Variants in CTNNA3 observed in about 807,000 individuals in gnomAD.
CTNNA3 encodes the protein catenin alpha 3, also known as catenin alpha-3.
In CTNNA3, 76 loss-of-function variants were observed where a neutral mutation model predicts 95.7. That is an observed-to-expected ratio of 0.79 (90% CI 0.66 to 0.96). CTNNA3 has a LOEUF of 0.96. Among genes scored for constraint, CTNNA3 ranks in the 40% least tolerant of loss-of-function variants. The pLI, the probability that CTNNA3 is intolerant of heterozygous loss-of-function variation, is 0.00. For missense variants in CTNNA3, 1,191 were observed against 1,089.8 expected (o/e 1.09, Z -1.31); for synonymous variants, 431 against 374.4 (o/e 1.15, Z -1.74).
At chr10:67,533,635 A>T (rs780510701) in intron 4 of CTNNA3, among the ~76,000 whole-genome samples, 16 of 152,180 alleles carry the variant, frequency 1.1e-4, no homozygotes, top group Non-Finnish European at 1.9e-4. Context: ...TAAAAGTGCC[A>T]TGTCAGGAAT....
intron 2 of CTNNA3, among the ~76,000 whole-genome samples, chr10:67,640,474 T>C (rs1589522369): frequency 6.6e-6 from 1 of 152,164 alleles, no homozygotes; most frequent in Admixed American, 6.5e-5. Context: ...AAGCTACCAA[T>C]GACTTTCTTC....
chr10:67,264,430 G>A (rs904300820), intron 5 of CTNNA3, among the ~76,000 whole-genome samples: 2 of 152,128 alleles, frequency 1.3e-5, no homozygotes, highest in Non-Finnish European at 2.9e-5. Context: ...GCTATATGAG[G>A]TACTATTTCA....
At chr10:67,671,513 C>T (rs1032582708) in intron 1 of CTNNA3, among the ~76,000 whole-genome samples, 1 of 143,968 alleles carries the variant, frequency 6.9e-6, no homozygotes, top group Non-Finnish European at 1.5e-5. Context: ...TCCCCGCTCC[C>T]CCCACCCCAC....
intron 9 of CTNNA3, among the ~76,000 whole-genome samples, chr10:66,728,000 G>C (rs1411375064): frequency 1.3e-5 from 2 of 152,138 alleles, no homozygotes; most frequent in Non-Finnish European, 2.9e-5. Flanking sequence ...AAAGTAGTAG[G>C]ACGCTTACAT....
chr10:66,491,205 T>A (rs1839910847), intron 11 of CTNNA3, among the ~76,000 whole-genome samples: 1 of 152,188 alleles, frequency 6.6e-6, no homozygotes, highest in Non-Finnish European at 1.5e-5. Flanking sequence ...TAAAAAATTG[T>A]ACACCACTAT....
intron 7 of CTNNA3, among the ~76,000 whole-genome samples, chr10:67,165,935 T>C (rs1861748249): frequency 6.6e-6 from 1 of 152,238 alleles, no homozygotes; most frequent in African/African-American, 2.4e-5. Context: ...TTATCATATC[T>C]CTGCTATGCA....
chr10:67,163,858 A>C (rs2132095581), intron 7 of CTNNA3, among the ~76,000 whole-genome samples: 1 of 152,138 alleles, frequency 6.6e-6, no homozygotes, highest in Admixed American at 6.5e-5. Context: ...GTGAAAATTA[A>C]AATTAAAAAT....
intron 5 of CTNNA3, among the ~76,000 whole-genome samples, chr10:67,241,210 C>G (rs1425620575): frequency 6.6e-6 from 1 of 152,076 alleles, no homozygotes. Context: ...CACCTGAGGT[C>G]AGGAGTTCAA....
chr10:67,503,167 G>T (rs1839287234), intron 5 of CTNNA3, among the ~76,000 whole-genome samples: 1 of 152,188 alleles, frequency 6.6e-6, no homozygotes, highest in South Asian at 2.1e-4. Flanking sequence ...GTCTGGGCCG[G>T]AATGCACCGT....
Position 66,728,900 on chromosome 10 carries a change from T to C in CTNNA3, c.1281+37364A>G, listed in dbSNP as rs1848863268. Among the ~76,000 whole-genome samples the C allele has an allele frequency of 3.9e-5, 6 of 152,150 alleles. No homozygotes were observed. In the South Asian group the frequency reaches 1.2e-3, roughly 32 times the overall value. On this transcript the variant is annotated intron_variant, in intron 9 of 17. Transcript: ENST00000433211. ...ATGGCATCCAGCCTTATTTAAGTTT[T>C]TAATAGATCTTGAGTTAATTTTTGT...
At chr10:66,010,160 T>C (rs115976925) in intron 15 of CTNNA3, among the ~76,000 whole-genome samples, 1,923 of 152,292 alleles carry the variant, frequency 0.013, 32 homozygotes, top group African/African-American at 0.044. Context: ...CATTCTAAAA[T>C]TGTTAGCATG....
chr10:67,079,213 G>C (rs1382094526), intron 7 of CTNNA3, among the ~76,000 whole-genome samples: 4 of 152,114 alleles, frequency 2.6e-5, no homozygotes, highest in Non-Finnish European at 5.9e-5. Flanking sequence ...TAACTTATGA[G>C]CACACGCTGT....
At chr10:66,771,531 T>A (rs1840086805) in intron 8 of CTNNA3, among the ~76,000 whole-genome samples, 1 of 152,128 alleles carries the variant, frequency 6.6e-6, no homozygotes, top group South Asian at 2.1e-4. Context: ...TATTAGGCAC[T>A]GGGAGGTTCT....
intron 16 of CTNNA3, among the ~76,000 whole-genome samples, chr10:65,975,349 TAAGA>T (rs2078190145): frequency 6.6e-6 from 1 of 151,786 alleles, no homozygotes; most frequent in South Asian, 2.1e-4. Context: ...TGTAGCTAAT[TAAGA>T]AGAAGATTGG....
At chr10:66,967,015 A>G (rs1374554487) in intron 7 of CTNNA3, among the ~76,000 whole-genome samples, 4 of 152,094 alleles carry the variant, frequency 2.6e-5, no homozygotes, top group African/African-American at 9.7e-5. Context: ...TTCTTAAAAT[A>G]TAAGTTCATA....
intron 17 of CTNNA3, among the ~76,000 whole-genome samples, chr10:65,962,711 C>T (rs1222792532): frequency 6.6e-6 from 1 of 151,224 alleles, no homozygotes; most frequent in Non-Finnish European, 1.5e-5. Context: ...CCCCTAGCCC[C>T]CCACCCCCCG....
intron 6 of CTNNA3, among the ~76,000 whole-genome samples, chr10:67,207,690 C>A (rs1863963244): frequency 6.6e-6 from 1 of 152,178 alleles, no homozygotes; most frequent in African/African-American, 2.4e-5. Flanking sequence ...GCGACTTGAC[C>A]TAGCATTCCT....
At chr10:67,758,400 C>T (rs1275245619) in intron 1 of CTNNA3, among the ~76,000 whole-genome samples, 3 of 151,388 alleles carry the variant, frequency 2.0e-5, no homozygotes, top group Non-Finnish European at 4.4e-5. Flanking sequence ...CTAATACAGT[C>T]AAGGAAAAAG....
In CTNNA3 at chr10:66,003,042, G is replaced by A. The variant is rs117154888; in HGVS notation, c.2160-14245C>T. Among the ~76,000 whole-genome samples, 463 of 152,246 alleles carry A rather than the reference G, an allele frequency of 3.0e-3. 1 individual carries two copies. Among genetic ancestry groups the A allele is most frequent in the Non-Finnish European group, 5.3e-3 (362 of 68,024 alleles). On this transcript the variant is annotated intron_variant, in intron 15 of 17. Coordinates refer to ENST00000433211, the MANE Select transcript of CTNNA3 (RefSeq NM_013266.4). ...AGATGGGAAAAATTGAGAAAGAACTGAGGCACTTCACTAATACAGCTGTAA... is the reference window on the plus strand; with the variant it reads ...AGATGGGAAAAATTGAGAAAGAACTAAGGCACTTCACTAATACAGCTGTAA...
Sources: allele counts gnomAD v4.1 joint callset (sites outside exome capture counted in the v4.1 genomes callset), GRCh38; gene constraint gnomAD v4.1.1; transcripts MANE v1.5; gene names NCBI Gene and HGNC (gene_info 2026-07-23, HGNC 2026-07-21).